MEIKIN: variants seen among roughly 807,000 people sequenced by gnomAD.
MEIKIN encodes the protein meiosis-specific kinetochore protein.
At chr5:131,870,183 G>C (rs951331577) in intron 9 of MEIKIN, among the ~76,000 whole-genome samples, 1 of 152,050 alleles carries the variant, frequency 6.6e-6, no homozygotes, top group Non-Finnish European at 1.5e-5. Context: ...ACCCCATAAA[G>C]ACATACAGCT....
At chr5:131,834,648 C>T (rs1749771618) in intron 11 of MEIKIN, among the ~76,000 whole-genome samples, 1 of 152,136 alleles carries the variant, frequency 6.6e-6, no homozygotes, top group Admixed American at 6.5e-5. Flanking sequence ...TGTCACCTTT[C>T]TTCTTTTCTA....
At chr5:131,927,917 G>A (rs557980282) in intron 5 of MEIKIN, among the ~76,000 whole-genome samples, 31 of 152,002 alleles carry the variant, frequency 2.0e-4, no homozygotes, top group East Asian at 5.8e-4. Context: ...AGTCCGAGAC[G>A]GGCGGATCAC....
chr5:131,913,227 G>T lies in MEIKIN; in HGVS notation c.639-1348C>A, dbSNP rs147914100. 2.4e-3 allele frequency among the ~76,000 whole-genome samples: 373 copies of T among 152,278 alleles called. 3 individuals carry two copies. The highest frequency in any genetic ancestry group is 8.6e-3 in the African/African-American group (358 of 41,540). Reference sequence around the variant, plus strand: ...GAACCTCCAGCTGCTTTTGAGTGAGGTTACTTCATCCTTTGCAGGAAGTCA... The same window carrying T: ...GAACCTCCAGCTGCTTTTGAGTGAGTTTACTTCATCCTTTGCAGGAAGTCA... On this transcript the variant is annotated intron_variant, in intron 7 of 12. Coordinates refer to ENST00000442687, the MANE Select transcript of MEIKIN (RefSeq NM_001303622.2).
At chr5:131,841,642 C>G (rs776356909) in intron 11 of MEIKIN, among the ~76,000 whole-genome samples, 11 of 152,110 alleles carry the variant, frequency 7.2e-5, no homozygotes, top group Non-Finnish European at 1.2e-4. Context: ...ACATGGGAAT[C>G]TGGATAATGA....
In MEIKIN at chr5:131,903,926, G is replaced by C. The variant is rs1227071656; in HGVS notation, c.703+7889C>G. On this transcript the variant is annotated intron_variant, in intron 8 of 12. Transcript: ENST00000442687. ...ATACAATGACACTCACACACTCAAA[G>C]TAAAGGGATGAAAAAAAAATCTACC... Among the ~76,000 whole-genome samples the C allele has an allele frequency of 2.0e-5, 3 of 148,724 alleles. No homozygotes were observed. The East Asian group carries it at 5.9e-4, about 29-fold the overall frequency.
intron 8 of MEIKIN, among the ~76,000 whole-genome samples, chr5:131,899,157 T>C (rs1435115967): frequency 6.6e-6 from 1 of 152,140 alleles, no homozygotes; most frequent in East Asian, 1.9e-4. Flanking sequence ...CAATAAGATA[T>C]AAATAAAAAC....
At chr5:131,807,645 C>T (rs1394478358) in intron 12 of MEIKIN, among the ~76,000 whole-genome samples, 1 of 152,204 alleles carries the variant, frequency 6.6e-6, no homozygotes, top group Non-Finnish European at 1.5e-5. Context: ...CTCTCATATT[C>T]TCTTGCCCAT....
At chr5:131,917,114 G>A (rs1751425514) in intron 6 of MEIKIN, among the ~76,000 whole-genome samples, 189 bp from the exon 7 acceptor site, 1 of 152,066 alleles carries the variant, frequency 6.6e-6, no homozygotes, top group African/African-American at 2.4e-5. Context: ...AAAATTTTAT[G>A]AGATACAGGA....
intron 5 of MEIKIN, among the ~76,000 whole-genome samples, chr5:131,928,730 G>C (rs961053704): frequency 7.2e-5 from 11 of 151,990 alleles, no homozygotes; most frequent in Non-Finnish European, 1.3e-4. Context: ...TATTGTAATA[G>C]TATACTATAA....
intron 11 of MEIKIN, among the ~76,000 whole-genome samples, chr5:131,844,404 T>C (rs1451533157): frequency 6.6e-6 from 1 of 152,198 alleles, no homozygotes; most frequent in Non-Finnish European, 1.5e-5. Flanking sequence ...ATATGAGTCT[T>C]ACAATTTCCC....
intron 5 of MEIKIN, among the ~76,000 whole-genome samples, chr5:131,925,135 G>A (rs1454850645): frequency 6.6e-6 from 1 of 152,114 alleles, no homozygotes; most frequent in Non-Finnish European, 1.5e-5. Context: ...GGCCATATAT[G>A]TACAGATTCA....
intron 4 of MEIKIN, among the ~76,000 whole-genome samples, chr5:131,938,409 C>T (rs1200790062): frequency 1.3e-5 from 2 of 152,084 alleles, no homozygotes; most frequent in African/African-American, 4.8e-5. Flanking sequence ...CTCAGGCAAT[C>T]CACCCGCCTC....
At chr5:131,903,970 C>CA (rs1047006363) in intron 8 of MEIKIN, among the ~76,000 whole-genome samples, 7 of 148,934 alleles carry the variant, frequency 4.7e-5, no homozygotes, top group Non-Finnish European at 7.5e-5. Context: ...TAAAAAAAAA[C>CA]AAAAAAACAA....
At chr5:131,829,751 G>T (rs1749681111) in intron 11 of MEIKIN, among the ~76,000 whole-genome samples, 1 of 152,152 alleles carries the variant, frequency 6.6e-6, no homozygotes, top group Admixed American at 6.5e-5. Context: ...AAAGACAAAG[G>T]GGGAAGACAG....
At chr5:131,930,830 C>A (rs1751676962) in intron 5 of MEIKIN, among the ~76,000 whole-genome samples, 1 of 152,002 alleles carries the variant, frequency 6.6e-6, no homozygotes, top group Non-Finnish European at 1.5e-5. Flanking sequence ...TCCAAAAATT[C>A]CTATTTTGTT....
intron 12 of MEIKIN, among the ~76,000 whole-genome samples, chr5:131,816,907 G>A (rs1773113359): frequency 6.6e-6 from 1 of 152,154 alleles, no homozygotes; most frequent in Non-Finnish European, 1.5e-5. Flanking sequence ...CTGGAATAAG[G>A]GATACTCAGA....
chr5:131,922,155 G>C (rs1271352210), intron 5 of MEIKIN, among the ~76,000 whole-genome samples: 1 of 152,128 alleles, frequency 6.6e-6, no homozygotes, highest in Non-Finnish European at 1.5e-5. Flanking sequence ...TTCCTCTCTA[G>C]ACTTTTCTAC....
intron 5 of MEIKIN, among the ~76,000 whole-genome samples, chr5:131,928,170 G>A (rs896019222): frequency 2.1e-4 from 32 of 149,658 alleles, no homozygotes; most frequent in African/African-American, 7.8e-4. Flanking sequence ...AAAATCTAAA[G>A]AGGGTCACTT....
At chr5:131,923,071 G>A (rs1374189311) in intron 5 of MEIKIN, among the ~76,000 whole-genome samples, 2 of 152,092 alleles carry the variant, frequency 1.3e-5, no homozygotes, top group Non-Finnish European at 2.9e-5. Flanking sequence ...TTTTATTTGT[G>A]TAGAGACAGT....
Sources: gnomAD v4.1 joint callset for allele counts (sites outside exome capture counted in the v4.1 genomes callset) on GRCh38, gnomAD v4.1.1 for gene constraint, MANE v1.5 for transcripts, NCBI Gene and HGNC (gene_info 2026-07-23, HGNC 2026-07-21) for gene names.